Variants in NAPA observed in about 807,000 individuals in gnomAD.
NAPA encodes alpha-soluble NSF attachment protein.
A neutral mutation model predicts 48.0 loss-of-function variants in NAPA; 18 were observed. That is an observed-to-expected ratio of 0.38 (90% CI 0.26 to 0.56). The LOEUF is 0.56. Ranked by LOEUF, NAPA falls within the 20% of genes least tolerant of loss-of-function variation. NAPA has a pLI of 0.77. For missense variants in NAPA, 315 were observed against 385.0 expected (o/e 0.82, Z 1.52); for synonymous variants, 152 against 149.9 (o/e 1.01, Z -0.10).
rs1968342410 is a variant in NAPA, at chr19:47,493,691, A to G, written c.343-198T>C. On this transcript the variant is annotated intron_variant, in intron 4 of 10. Coordinates refer to ENST00000263354, the MANE Select transcript of NAPA (RefSeq NM_003827.4). The surrounding 1 kb of genome is among the most constrained non-coding windows in gnomAD (Gnocchi z 6.4). The stretch of plus-strand genomic sequence containing the variant: ...GGGCCCCAGCACTAGAGGCCTGGCT[A>G]TGCGTGCTGGGCTGAGCGGGTGATG... 5 of 602,706 alleles carry G rather than the reference A, an allele frequency of 8.3e-6. No individual in the cohort carries two copies. The highest frequency in any genetic ancestry group is 1.5e-5 in the Non-Finnish European group (5 of 333,162). The allele number at this position is 602,706 out of a possible 1,614,324, so 37.3% of individuals were successfully genotyped here.
rs1480749299 is a variant in NAPA at position 47,512,853 on chromosome 19, CTTG to C, written c.98+1987_98+1989del. ...GAGCCCTTTTCCTGTTCCTTCCTCT[CTTG>C]TAAAGATCCCTCTCCTTCGTGTCTT... On this transcript the variant is annotated intron_variant, in intron 1 of 10. Transcript: ENST00000263354. 2.0e-5 allele frequency: 3 copies of C among 152,388 alleles called. No individual in the cohort carries two copies. In the East Asian group the frequency reaches 5.8e-4, roughly 29 times the overall value. 9.4% of individuals were successfully genotyped at this position (152,388 alleles called of 1,614,324 possible).
At chr19:47,509,002 G>A (rs1968749036) in intron 1 of NAPA, among the ~76,000 whole-genome samples, 1 of 152,080 alleles carries the variant, frequency 6.6e-6, no homozygotes, top group Non-Finnish European at 1.5e-5. Context: ...CTTGAGCCCA[G>A]GAGGTTGAGA....
chr19:47,510,306 A>G (rs2122780539), intron 1 of NAPA, among the ~76,000 whole-genome samples: 1 of 152,364 alleles, frequency 6.6e-6, no homozygotes, highest in South Asian at 2.1e-4. Flanking sequence ...GCCTACAGGT[A>G]GTTCAAACAG....
At chr19:47,484,606 G>A (rs934007272), downstream of NAPA, 2 of 171,584 alleles carry the variant, frequency 1.2e-5, no homozygotes, top group Admixed American at 1.2e-4. Flanking sequence ...AGAGATGAAG[G>A]AATTGAGGCA....
chr19:47,498,168 A>G (rs1394757306), intron 3 of NAPA, among the ~76,000 whole-genome samples: 2 of 152,166 alleles, frequency 1.3e-5, no homozygotes, highest in Non-Finnish European at 2.9e-5. Context: ...GGAGTCCTGG[A>G]GGAAGCCCTA....
intron 1 of NAPA, among the ~76,000 whole-genome samples, chr19:47,509,403 C>T (rs1448933143): frequency 1.3e-5 from 2 of 152,056 alleles, no homozygotes; most frequent in Non-Finnish European, 2.9e-5. Context: ...ACAGGCCTGG[C>T]CTCAGCGCCA....
At chr19:47,487,223 C>A (rs1203678509), downstream of NAPA, among the ~76,000 whole-genome samples, 1 of 152,232 alleles carries the variant, frequency 6.6e-6, no homozygotes. Context: ...ACAACTGTCA[C>A]CGGGGCGTTC....
At chr19:47,505,155 A>G (rs1004904000) in intron 1 of NAPA, among the ~76,000 whole-genome samples, 9 of 152,186 alleles carry the variant, frequency 5.9e-5, no homozygotes, top group African/African-American at 2.2e-4. Flanking sequence ...CTACATAATC[A>G]GTAGAATAAA....
chr19:47,499,193 A>G (rs557326015), intron 3 of NAPA, among the ~76,000 whole-genome samples: 3 of 152,180 alleles, frequency 2.0e-5, no homozygotes, highest in Non-Finnish European at 4.4e-5. Context: ...ACCATATCCC[A>G]CTGCCAGGCA....
intron 3 of NAPA, 186 bp from the exon 4 acceptor site, chr19:47,495,782 G>T: frequency 1.6e-6 from 1 of 616,970 alleles, no homozygotes; most frequent in Admixed American, 2.7e-5. Flanking sequence ...CTGAGCCCCA[G>T]GAAATCTGGT....
chr19:47,488,616 TTA>T, intron 10 of NAPA: 2 of 339,008 alleles, frequency 5.9e-6, no homozygotes, highest in Non-Finnish European at 1.0e-5. Context: ...TATTGTAGCT[TTA>T]AAAAAAAAAA....
Position 47,514,284 on chromosome 19 carries a change from C to A in NAPA, c.98+559G>T, listed in dbSNP as rs1599923718. ...CCTGAGCCCCTCTGCCTGGTGTCAGCCCCCTTCAGCCTTCACCCTCACCGC... is the reference window on the plus strand; with the variant it reads ...CCTGAGCCCCTCTGCCTGGTGTCAGACCCCTTCAGCCTTCACCCTCACCGC... On this transcript the variant is annotated intron_variant, in intron 1 of 10. Transcript: ENST00000263354. Among the ~76,000 whole-genome samples, 4 of 152,212 alleles carry A rather than the reference C, an allele frequency of 2.6e-5. No homozygotes were observed. In the East Asian group the frequency reaches 7.7e-4, roughly 29 times the overall value.
chr19:47,490,165 GGTGT>G (rs1015984916), intron 9 of NAPA, among the ~76,000 whole-genome samples: 3 of 148,250 alleles, frequency 2.0e-5, no homozygotes, highest in Non-Finnish European at 3.0e-5. Flanking sequence ...GTGTGTGTGG[GGTGT>G]GTGTGGTGTG....
At chr19:47,490,469 TGTTTGGTGTGTGTGGTGTGGTGTG>T (rs1968227177) in intron 9 of NAPA, among the ~76,000 whole-genome samples, 1 of 3,426 alleles carries the variant, frequency 2.9e-4, no homozygotes, top group Non-Finnish European at 9.3e-4. Context: ...GTGTAGTGTA[TGTTTGGTGTGTGTGGTGTGGTGTG>T]ATGTGTGTGG....
At chr19:47,488,617 TAA>T (rs11368749) in intron 10 of NAPA, 721 of 257,244 alleles carry the variant, frequency 2.8e-3, no homozygotes, top group Middle Eastern at 5.7e-3. Flanking sequence ...ATTGTAGCTT[TAA>T]AAAAAAAAAA....
chr19:47,488,544 G>A (rs1968144718), intron 10 of NAPA, 155 bp from the exon 11 acceptor site: 1 of 545,750 alleles, frequency 1.8e-6, no homozygotes, highest in African/African-American at 1.9e-5. Flanking sequence ...ACTCAGCCAT[G>A]GGAGCTCCCT....
At chr19:47,494,682 G>A (rs1455026683) in intron 4 of NAPA, among the ~76,000 whole-genome samples, 4 of 143,232 alleles carry the variant, frequency 2.8e-5, no homozygotes, top group African/African-American at 1.0e-4. Context: ...AGGTTGCAGT[G>A]AGTGGAGATC....
intron 1 of NAPA, among the ~76,000 whole-genome samples, chr19:47,509,750 A>G (rs1968770628): frequency 6.6e-6 from 1 of 152,090 alleles, no homozygotes. Context: ...ATACAGGCCC[A>G]CGGCCCTTCG....
At chr19:47,491,395 G>T (rs1472037854) in intron 8 of NAPA, 1 of 156,380 alleles carries the variant, frequency 6.4e-6, no homozygotes, top group East Asian at 1.9e-4. Flanking sequence ...GGTGTGTGGG[G>T]CCACCACCCC....
Sources: allele counts gnomAD v4.1 joint callset (sites outside exome capture counted in the v4.1 genomes callset), GRCh38; gene constraint gnomAD v4.1.1; non-coding constraint Gnocchi (gnomAD v3.1); transcripts MANE v1.5; gene names NCBI Gene and HGNC (gene_info 2026-07-23, HGNC 2026-07-21).